The following PCDHGB3 variants were observed in gnomAD, a reference collection of about 807,000 sequenced individuals.
PCDHGB3 encodes the protein protocadherin gamma subfamily B, 3.
PCDHGB3 carries 40 observed loss-of-function variants against 59.2 expected under a neutral mutation model. The observed-to-expected ratio is 0.68, with a 90% CI of 0.52 to 0.88. The LOEUF is 0.88. Among genes scored for constraint, PCDHGB3 ranks in the 40% least tolerant of loss-of-function variants. The pLI, the probability that PCDHGB3 is intolerant of heterozygous loss-of-function variation, is 0.00. For missense variants in PCDHGB3, 1,309 were observed against 1,187.9 expected, an observed-to-expected ratio of 1.10 and a Z score of -1.50; for synonymous variants, 581 against 503.6, an observed-to-expected ratio of 1.15 and a Z score of -2.06.
At chr5:141,374,258 T>G (rs1770318137) in intron 1 of PCDHGB3, 2 of 1,613,806 alleles carry the variant, frequency 1.2e-6, no homozygotes, top group African/African-American at 1.3e-5. Flanking sequence ...GCCCCAGGAG[T>G]TGGCGGAGCA....
chr5:141,390,279 C>T (rs759949726), intron 1 of PCDHGB3: 18 of 1,613,880 alleles, frequency 1.1e-5, no homozygotes, highest in Non-Finnish European at 1.5e-5. Context: ...GACTTCCCAT[C>T]AGGTGAGTTT....
At position 141,476,513 on chromosome 5, in the gene PCDHGB3, C is replaced by T; in HGVS notation, c.2416-18294C>T. 1 of 1,614,196 alleles carries T rather than the reference C, an allele frequency of 6.2e-7. No individual in the cohort carries two copies. Among genetic ancestry groups the T allele is most frequent in the Non-Finnish European group, 8.5e-7 (1 of 1,180,034 alleles). On this transcript the variant is annotated intron_variant, in intron 1 of 3. Coordinates refer to ENST00000576222, the MANE Select transcript of PCDHGB3 (RefSeq NM_018924.5). The surrounding 1 kb of genome is among the most constrained non-coding windows in gnomAD (Gnocchi z 7.6). ...GATCCAGGACATCAACGACAACAAT[C>T]CTGCTTTCCCTACCCAGGAAATGAA...
Position 141,491,722 on chromosome 5 carries a change from C to G in PCDHGB3, c.2416-3085C>G, listed in dbSNP as rs1276921909. ...CCAGGTGAGGGGCTCGGCGCCGCCC[C>G]GGGCGACCCCTGGGGGCGGCACTGG... On this transcript the variant is annotated intron_variant, in intron 1 of 3. Transcript: ENST00000576222. This position sits in a 1 kb window ranked among gnomAD's most constrained non-coding sequence, Gnocchi z 6.9. 2 of 1,607,004 alleles carry G rather than the reference C, an allele frequency of 1.2e-6. No homozygotes were observed. The highest frequency in any genetic ancestry group is 1.7e-5 in the Admixed American group (1 of 58,788).
intron 1 of PCDHGB3, chr5:141,428,335 T>G (rs535486665): frequency 3.3e-6 from 2 of 615,106 alleles, no homozygotes; most frequent in East Asian, 5.9e-5. Context: ...TTCTATGCTC[T>G]TCTTCCTCGC....
chr5:141,390,416 T>A, intron 1 of PCDHGB3: 2 of 1,124,674 alleles, frequency 1.8e-6, no homozygotes, highest in Non-Finnish European at 2.5e-6. Context: ...TGTAGTCAGT[T>A]AAAAAGCTGT....
Position 141,490,732 on chromosome 5 carries a change from G to A in PCDHGB3, c.2416-4075G>A, listed in dbSNP as rs775388969. 6.2e-6 allele frequency: 10 copies of A among 1,614,188 alleles called. No homozygotes were observed. The highest frequency in any genetic ancestry group is 8.5e-6 in the Non-Finnish European group (10 of 1,180,042). ...CACCTACTCCATTGTAGGAAATCAG[G>A]TTCAGGGAGCCCCAGCCTCCTCCTT... On this transcript the variant is annotated intron_variant, in intron 1 of 3. Transcript: ENST00000576222. This position sits in a 1 kb window ranked among gnomAD's most constrained non-coding sequence, Gnocchi z 5.4.
rs372245447 is a variant in PCDHGB3, at chr5:141,489,609, C to T, written c.2416-5198C>T. ...AGCTAATCCGTGTAGAGGTAGAGAT[C>T]CTGGATCTCAATGACAACTCTCCTA... On this transcript the variant is annotated intron_variant, in intron 1 of 3. Coordinates refer to ENST00000576222, the MANE Select transcript of PCDHGB3 (RefSeq NM_018924.5). This position sits in a 1 kb window ranked among gnomAD's most constrained non-coding sequence, Gnocchi z 4.5. The T allele has an allele frequency of 1.9e-6, 3 of 1,613,934 alleles. No homozygotes were observed. The African/African-American group carries it at 4.0e-5, about 22-fold the overall frequency.
chr5:141,490,149 T>C lies in PCDHGB3; in HGVS notation c.2416-4658T>C. The C allele has an allele frequency of 1.9e-6, 3 of 1,614,188 alleles. No individual in the cohort carries two copies. The highest frequency in any genetic ancestry group is 2.7e-5 in the African/African-American group (2 of 75,050). On this transcript the variant is annotated intron_variant, in intron 1 of 3. Coordinates refer to ENST00000576222, the MANE Select transcript of PCDHGB3 (RefSeq NM_018924.5). This position sits in a 1 kb window ranked among gnomAD's most constrained non-coding sequence, Gnocchi z 5.4. ...TAGACCCTAGCAGTGGGGCAATCCA[T>C]GTGTTGGGTCCCATAGACTTTGAGG... is the stretch of plus-strand genomic sequence containing the variant.
intron 1 of PCDHGB3, chr5:141,393,441 C>G: frequency 6.2e-7 from 1 of 1,614,070 alleles, no homozygotes; most frequent in African/African-American, 1.3e-5. Flanking sequence ...TGCTCACCAC[C>G]TGGTCCTCAC....
chr5:141,464,823 C>T (rs890811354), intron 1 of PCDHGB3, among the ~76,000 whole-genome samples: 5 of 151,986 alleles, frequency 3.3e-5, no homozygotes, highest in African/African-American at 1.2e-4. Flanking sequence ...ACTGTAGCCT[C>T]GCACTCCTGG....
intron 1 of PCDHGB3, chr5:141,415,740 G>GTTTTTTTTTTTTTGTTT (rs2095912299): frequency 1.9e-6 from 1 of 515,998 alleles, no homozygotes; most frequent in Non-Finnish European, 2.6e-6. Context: ...GTTTATTAAG[G>GTTTTTTTTTTTTTGTTT]TTTTTTTTTT....
In PCDHGB3 at chr5:141,485,848, C is replaced by A; in HGVS notation, c.2416-8959C>A. The stretch of plus-strand genomic sequence containing the variant: ...GAGGGAACCCGCCGAGATCTGGCAC[C>A]GCAGAGCTCCGGGTATCCGTGCTGG... On this transcript the variant is annotated intron_variant, in intron 1 of 3. Transcript: ENST00000576222. This position sits in a 1 kb window ranked among gnomAD's most constrained non-coding sequence, Gnocchi z 5.7. 1 of 1,614,192 alleles carries A rather than the reference C, an allele frequency of 6.2e-7. No homozygotes were observed. The highest frequency in any genetic ancestry group is 8.5e-7 in the Non-Finnish European group (1 of 1,180,020).
intron 1 of PCDHGB3, chr5:141,388,401 A>C: frequency 6.2e-7 from 1 of 1,614,026 alleles, no homozygotes; most frequent in East Asian, 2.2e-5. Context: ...TTACCAACTC[A>C]GTCCCAGTGA....
chr5:141,405,265 C>T lies in PCDHGB3; in HGVS notation c.2415+32456C>T, dbSNP rs769240639. The T allele has an allele frequency of 4.3e-6, 7 of 1,614,106 alleles. No homozygotes were observed. In the Admixed American group the frequency reaches 1.2e-4, roughly 27 times the overall value. Reference sequence around the variant, plus strand: ...CAAGGAAGAGTCACCTGATCTTCCCCCAGCCCAACTATGCAGACACACTCA... The same window carrying T: ...CAAGGAAGAGTCACCTGATCTTCCCTCAGCCCAACTATGCAGACACACTCA... On this transcript the variant is annotated intron_variant, in intron 1 of 3. Coordinates refer to ENST00000576222, the MANE Select transcript of PCDHGB3 (RefSeq NM_018924.5).
At chr5:141,388,625 C>T (rs1417837696) in intron 1 of PCDHGB3, 2 of 1,613,794 alleles carry the variant, frequency 1.2e-6, no homozygotes, top group Non-Finnish European at 1.7e-6. Context: ...AAGACGTATA[C>T]AGGGTGAGCC....
intron 1 of PCDHGB3, among the ~76,000 whole-genome samples, chr5:141,433,747 G>A (rs566709728): frequency 1.3e-5 from 2 of 150,990 alleles, no homozygotes; most frequent in East Asian, 4.0e-4. Context: ...TGAGTCAGGA[G>A]AATTGCTTTA....
In PCDHGB3 at chr5:141,371,669, C is replaced by T. The variant is rs766031996; in HGVS notation, c.1275C>T (p.Thr425=). Residue 425 remains threonine, a synonymous_variant, in exon 1 of 4, where the codon ACC becomes ACT. Coordinates refer to ENST00000576222, the MANE Select transcript of PCDHGB3 (RefSeq NM_018924.5). ...IPEYNVTITA[T]DKGNPPLSSS... is the part of the protein sequence containing the mutation. ...AATACAATGTGACGATCACAGCTAC[C>T]GACAAAGGCAATCCACCGCTCTCCT... 3 of 1,613,874 alleles carry T rather than the reference C, an allele frequency of 1.9e-6. No individual in the cohort carries two copies. The Admixed American group carries it at 5.0e-5, about 27-fold the overall frequency.
At chr5:141,406,072 C>CTT (rs530474569) in intron 1 of PCDHGB3, among the ~76,000 whole-genome samples, 28 of 141,510 alleles carry the variant, frequency 2.0e-4, no homozygotes, top group East Asian at 4.1e-4. Context: ...ATTCTTACTC[C>CTT]TTTTTTTTTT....
In PCDHGB3 at chr5:141,433,363, CTATCT is replaced by C. The variant is rs2097590943; in HGVS notation, c.2415+60555_2415+60559del. On this transcript the variant is annotated intron_variant, in intron 1 of 3. Transcript: ENST00000576222. ...TGCAAGCCACCTACTGTCTGCCTAT[CTATCT>C]ATCTATCTATCTATCTATCTATCTA... 4 of 463,386 alleles carry C rather than the reference CTATCT, an allele frequency of 8.6e-6. No homozygotes were observed. The African/African-American group carries it at 1.1e-4, about 13-fold the overall frequency. 28.7% of individuals were successfully genotyped at this position (463,386 alleles called of 1,614,324 possible). A position where few individuals can be genotyped will look rare whatever the true frequency, so the allele number is the denominator to read the frequency against.
Sources: allele counts gnomAD v4.1 joint callset (sites outside exome capture counted in the v4.1 genomes callset), GRCh38; gene constraint gnomAD v4.1.1; non-coding constraint Gnocchi (gnomAD v3.1); transcripts MANE v1.5; gene names NCBI Gene and HGNC (gene_info 2026-07-23, HGNC 2026-07-21).